MB21D2: variants seen among roughly 807,000 people sequenced by gnomAD.
MB21D2 encodes the protein nucleotidyltransferase MB21D2.
MB21D2 carries 9 observed loss-of-function variants against 33.3 expected under a neutral mutation model. The ratio of observed to expected loss-of-function variants is 0.27; its 90% CI spans 0.16 to 0.47. MB21D2 has a LOEUF of 0.47. Among genes scored for constraint, MB21D2 ranks in the 20% least tolerant of loss-of-function variants. MB21D2 has a pLI of 0.99. For synonymous variants in MB21D2, 241 were observed against 236.3 expected (o/e 1.02, Z -0.18); for missense variants, 540 against 624.6 (o/e 0.86, Z 1.44).
intron 1 of MB21D2, among the ~76,000 whole-genome samples, chr3:192,884,880 G>A (rs13323165): frequency 4.4e-3 from 670 of 152,178 alleles, no homozygotes; most frequent in Non-Finnish European, 7.6e-3. Flanking sequence ...CTCAGGAAAG[G>A]ACAGAGTGTC....
At chr3:192,873,314 T>C (rs13059477) in intron 1 of MB21D2, among the ~76,000 whole-genome samples, 93,026 of 152,084 alleles carry the variant, frequency 0.61, 30,356 homozygotes, top group African/African-American at 0.84. Context: ...TACTCGACTG[T>C]GGTCCCCTGG....
chr3:192,846,870 G>A (rs547172311), intron 1 of MB21D2, among the ~76,000 whole-genome samples: 1 of 152,312 alleles, frequency 6.6e-6, no homozygotes, highest in East Asian at 1.9e-4. Context: ...GATGTGAGGT[G>A]TAAGCACAAA....
chr3:192,882,372 G>A (rs1356870298), intron 1 of MB21D2, among the ~76,000 whole-genome samples: 2 of 60,770 alleles, frequency 3.3e-5, no homozygotes, highest in East Asian at 1.3e-3. Flanking sequence ...ACTGCGCCCC[G>A]CACATTATTA....
intron 1 of MB21D2, among the ~76,000 whole-genome samples, chr3:192,818,261 G>T (rs1711969487): frequency 6.6e-6 from 1 of 152,106 alleles, no homozygotes; most frequent in South Asian, 2.1e-4. Flanking sequence ...TGTGTCTGGG[G>T]TTTAGGCCAC....
intron 1 of MB21D2, among the ~76,000 whole-genome samples, chr3:192,886,736 T>C (rs1577196620): frequency 6.6e-6 from 1 of 152,304 alleles, no homozygotes; most frequent in East Asian, 1.9e-4. Flanking sequence ...CTTACGTTTT[T>C]GAATTTTACC....
At chr3:192,911,840 T>C (rs749447043) in intron 1 of MB21D2, among the ~76,000 whole-genome samples, 1 of 152,178 alleles carries the variant, frequency 6.6e-6, no homozygotes, top group African/African-American at 2.4e-5. Context: ...GGATACATAA[T>C]GTTCTCAGAG....
intron 1 of MB21D2, among the ~76,000 whole-genome samples, chr3:192,820,400 G>A (rs1230634433): frequency 1.3e-5 from 2 of 152,008 alleles, no homozygotes; most frequent in Admixed American, 1.3e-4. Flanking sequence ...TCTTTCCAAA[G>A]GCCTTTCAAA....
intron 1 of MB21D2, among the ~76,000 whole-genome samples, chr3:192,915,932 G>T (rs187994631): frequency 3.6e-4 from 55 of 152,138 alleles, no homozygotes; most frequent in African/African-American, 1.1e-3. Flanking sequence ...CACAATGGCA[G>T]ACTTCCATTA....
At chr3:192,915,370 T>C (rs1293879142) in intron 1 of MB21D2, among the ~76,000 whole-genome samples, 2 of 152,200 alleles carry the variant, frequency 1.3e-5, no homozygotes, top group African/African-American at 4.8e-5. Context: ...TAAATCCACA[T>C]AGGAACCCTT....
intron 1 of MB21D2, among the ~76,000 whole-genome samples, chr3:192,807,334 CAAAAA>C (rs34151496): frequency 7.7e-6 from 1 of 129,204 alleles, no homozygotes; most frequent in African/African-American, 2.7e-5. Flanking sequence ...CTTGAAAGGC[CAAAAA>C]AAAAAAAAAA....
At chr3:192,897,184 C>T (rs980269477) in intron 1 of MB21D2, among the ~76,000 whole-genome samples, 5 of 152,206 alleles carry the variant, frequency 3.3e-5, no homozygotes, top group South Asian at 2.1e-4. Flanking sequence ...ACAAAGGTTG[C>T]ATAGCTTGTT....
chr3:192,884,675 A>T (rs181182431), intron 1 of MB21D2, among the ~76,000 whole-genome samples: 3,689 of 152,172 alleles, frequency 0.024, 77 homozygotes, highest in South Asian at 0.054. Flanking sequence ...CCAGAGGTGC[A>T]TGTCTTGTTC....
At chr3:192,886,364 T>C (rs1186367269) in intron 1 of MB21D2, among the ~76,000 whole-genome samples, 1 of 152,160 alleles carries the variant, frequency 6.6e-6, no homozygotes, top group East Asian at 1.9e-4. Context: ...TACAAAATAT[T>C]TTCACGTACG....
chr3:192,799,156 C>A lies in MB21D2; in HGVS notation c.706G>T (p.Val236Phe), dbSNP rs1263355514. 4 of 1,614,180 alleles carry A rather than the reference C, an allele frequency of 2.5e-6. No individual in the cohort carries two copies. The East Asian group carries it at 8.9e-5, about 36-fold the overall frequency. ...VGSSRMLYDI[V>F]PVVSFKGWPA... ...CAACCTTTGAAAGATACCACAGGGACAATATCATACAACATGCGACTACTC... is the reference window on the plus strand; with the variant it reads ...CAACCTTTGAAAGATACCACAGGGAAAATATCATACAACATGCGACTACTC... The change falls in exon 2 of 2, where the codon GTC becomes TTC. Residue 236 changes from valine to phenylalanine, a missense_variant. Physicochemically the swap from Val to Phe is conservative, Grantham distance 50. Coordinates refer to ENST00000392452, the MANE Select transcript of MB21D2 (RefSeq NM_178496.4). The surrounding 1 kb of genome is among the most constrained non-coding windows in gnomAD (Gnocchi z 4.1).
intron 1 of MB21D2, among the ~76,000 whole-genome samples, chr3:192,876,157 G>A (rs1022520255): frequency 2.0e-5 from 3 of 152,058 alleles, no homozygotes; most frequent in Non-Finnish European, 2.9e-5. Flanking sequence ...AAAATTCCTC[G>A]GATGCTCCCC....
intron 1 of MB21D2, among the ~76,000 whole-genome samples, chr3:192,819,838 A>T (rs953796702): frequency 5.3e-5 from 8 of 152,146 alleles, no homozygotes; most frequent in African/African-American, 1.9e-4. Context: ...CTTGGGAGGC[A>T]CCTGACATCC....
At chr3:192,865,725 C>G (rs533712901) in intron 1 of MB21D2, among the ~76,000 whole-genome samples, 1 of 152,166 alleles carries the variant, frequency 6.6e-6, no homozygotes, top group East Asian at 1.9e-4. Flanking sequence ...CCTCACCATT[C>G]TTCTGTGTTC....
chr3:192,901,860 T>A (rs1434773256), intron 1 of MB21D2, among the ~76,000 whole-genome samples: 1 of 152,226 alleles, frequency 6.6e-6, no homozygotes, highest in Non-Finnish European at 1.5e-5. Context: ...CTACATTAAC[T>A]ATGTCCTAAT....
intron 1 of MB21D2, among the ~76,000 whole-genome samples, chr3:192,837,144 G>C (rs9870592): frequency 0.54 from 81,686 of 151,834 alleles, 22,479 homozygotes; most frequent in East Asian, 0.76. Context: ...GTCAGCATCT[G>C]TTGACCAGAG....
Sources: gnomAD v4.1 joint callset for allele counts (sites outside exome capture counted in the v4.1 genomes callset) on GRCh38, gnomAD v4.1.1 for gene constraint, Gnocchi (gnomAD v3.1) non-coding constraint, MANE v1.5 for transcripts, NCBI Gene and HGNC (gene_info 2026-07-23, HGNC 2026-07-21) for gene names.